Variants in BLTP3A observed in about 807,000 individuals in gnomAD.
The protein encoded by BLTP3A is bridge-like lipid transfer protein family member 3A, also known as ICBP90 binding protein 1.
the BLTP3A span, among the ~76,000 whole-genome samples, chr6:34,797,143 A>G: frequency 6.6e-6 from 1 of 152,212 alleles, no homozygotes; most frequent in African/African-American, 2.4e-5. Flanking sequence ...GTCGCTATAT[A>G]ATGTAGCCAA....
At chr6:34,794,790 G>T in the BLTP3A span, among the ~76,000 whole-genome samples, 20 of 145,624 alleles carry the variant, frequency 1.4e-4, no homozygotes, top group South Asian at 2.4e-3. Context: ...GAGTTTTTTT[G>T]TTTTTTTTTT....
chr6:34,872,487 A>G, the BLTP3A span: 6 of 1,576,416 alleles, frequency 3.8e-6, no homozygotes, highest in African/African-American at 2.7e-5. Context: ...ATCACCAGCA[A>G]TAGCACCACC....
At chr6:34,856,370 T>G in the BLTP3A span, 5 of 1,614,048 alleles carry the variant, frequency 3.1e-6, no homozygotes, top group Non-Finnish European at 4.2e-6. Flanking sequence ...GAAACCACCC[T>G]GGCACCTTGG....
the BLTP3A span, among the ~76,000 whole-genome samples, chr6:34,802,368 G>C: frequency 6.9e-6 from 1 of 144,464 alleles, no homozygotes; most frequent in African/African-American, 2.7e-5. Flanking sequence ...CACCAAGCCC[G>C]GCTAATTTTT....
the BLTP3A span, among the ~76,000 whole-genome samples, chr6:34,853,956 C>A: frequency 6.6e-6 from 1 of 152,036 alleles, no homozygotes; most frequent in Non-Finnish European, 1.5e-5. Flanking sequence ...GTGGCTTATC[C>A]CTGCAGTTTG....
the BLTP3A span, among the ~76,000 whole-genome samples, chr6:34,860,368 G>A: frequency 7.9e-5 from 12 of 152,150 alleles, no homozygotes; most frequent in South Asian, 2.5e-3. Flanking sequence ...GAAAGATAGA[G>A]TCTAAGGGAA....
the BLTP3A span, among the ~76,000 whole-genome samples, chr6:34,848,726 C>G: frequency 6.6e-6 from 1 of 151,172 alleles, no homozygotes; most frequent in African/African-American, 2.4e-5. Flanking sequence ...AAGTGTGTTT[C>G]TTGTAGAGAA....
the BLTP3A span, among the ~76,000 whole-genome samples, chr6:34,860,213 G>C: frequency 5.0e-3 from 755 of 152,150 alleles, 2 homozygotes; most frequent in Middle Eastern, 0.01. Context: ...CATCCATTCA[G>C]CAAGTATCTT....
the BLTP3A span, among the ~76,000 whole-genome samples, chr6:34,810,522 C>T: frequency 5.1e-3 from 779 of 152,354 alleles, 6 homozygotes; most frequent in African/African-American, 0.015. Flanking sequence ...CTCGCTGTGT[C>T]ACCCAGGCTG....
the BLTP3A span, among the ~76,000 whole-genome samples, chr6:34,850,602 A>C: frequency 2.0e-5 from 3 of 152,148 alleles, no homozygotes; most frequent in African/African-American, 7.2e-5. Flanking sequence ...CCTGTCTTCA[A>C]GCTCACCAAT....
chr6:34,872,444 G>C, the BLTP3A span: 1 of 1,604,790 alleles, frequency 6.2e-7, no homozygotes, highest in Non-Finnish European at 8.5e-7. Context: ...TCTGAAACCA[G>C]TGGCTCAGCC....
At chr6:34,806,660 C>T in the BLTP3A span, among the ~76,000 whole-genome samples, 21 of 152,196 alleles carry the variant, frequency 1.4e-4, no homozygotes, top group East Asian at 9.7e-4. Flanking sequence ...ACATGGATAA[C>T]CTATTCTCCC....
chr6:34,841,665 A>G, the BLTP3A span, among the ~76,000 whole-genome samples: 3 of 152,146 alleles, frequency 2.0e-5, no homozygotes, highest in African/African-American at 4.8e-5. Context: ...ATGCTCACCT[A>G]TCCCTGGGTA....
At chr6:34,805,073 G>A in the BLTP3A span, among the ~76,000 whole-genome samples, 1 of 151,666 alleles carries the variant, frequency 6.6e-6, no homozygotes, top group African/African-American at 2.4e-5. Context: ...GTGGGTGGAT[G>A]GGTTGAGCTC....
chr6:34,792,152 G>A, the BLTP3A span: 11 of 1,184,452 alleles, frequency 9.3e-6, no homozygotes, highest in South Asian at 1.9e-4. Context: ...TGTGTCCGGT[G>A]CTCACGCCGC....
chr6:34,820,848 C>T, the BLTP3A span, among the ~76,000 whole-genome samples: 4 of 124,198 alleles, frequency 3.2e-5, no homozygotes, highest in African/African-American at 1.1e-4. Flanking sequence ...GATAGGGTCT[C>T]GCTGTGTTGC....
At chr6:34,805,366 G>C in the BLTP3A span, among the ~76,000 whole-genome samples, 2 of 151,982 alleles carry the variant, frequency 1.3e-5, no homozygotes, top group African/African-American at 4.8e-5. Flanking sequence ...GCTGAGGCAA[G>C]CAGATCACTT....
At chr6:34,847,325 G>T in the BLTP3A span, among the ~76,000 whole-genome samples, 1,714 of 152,034 alleles carry the variant, frequency 0.011, 11 homozygotes, top group Non-Finnish European at 0.016. Context: ...TGGCTTCATA[G>T]AATGATTCTG....
chr6:34,836,505 G>T, the BLTP3A span, among the ~76,000 whole-genome samples: 1 of 152,210 alleles, frequency 6.6e-6, no homozygotes, highest in Non-Finnish European at 1.5e-5. Flanking sequence ...CCCTCCTGTG[G>T]TAGCCCTGTT....
Sources: allele counts gnomAD v4.1 joint callset (sites outside exome capture counted in the v4.1 genomes callset), GRCh38; gene constraint gnomAD v4.1.1; transcripts MANE v1.5; gene names NCBI Gene and HGNC (gene_info 2026-07-23, HGNC 2026-07-21).